The following SH3RF3 variants were observed in gnomAD, a reference collection of about 807,000 sequenced individuals.
SH3RF3 encodes the protein SH3 domain containing ring finger 3.
SH3RF3 carries 29 observed loss-of-function variants against 66.3 expected under a neutral mutation model. The observed-to-expected ratio is 0.44, with a 90% CI of 0.33 to 0.60. SH3RF3 has a LOEUF of 0.60. Among genes scored for constraint, SH3RF3 ranks in the 20% least tolerant of loss-of-function variants. SH3RF3 has a pLI of 0.04. For synonymous variants in SH3RF3, 583 were observed against 532.0 expected, an observed-to-expected ratio of 1.10 and a Z score of -1.32; for missense variants, 1,194 against 1,190.9, an observed-to-expected ratio of 1.00 and a Z score of -0.04.
At chr2:109,300,409 A>C (rs1178903561) in intron 1 of SH3RF3, among the ~76,000 whole-genome samples, 1 of 152,060 alleles carries the variant, frequency 6.6e-6, no homozygotes, top group African/African-American at 2.4e-5. Flanking sequence ...CCAACTCCTC[A>C]CCTCAAGTGA....
chr2:109,420,515 G>A (rs763670026), intron 5 of SH3RF3, among the ~76,000 whole-genome samples: 11 of 152,012 alleles, frequency 7.2e-5, no homozygotes, highest in Non-Finnish European at 1.2e-4. Context: ...GCGCGATCCC[G>A]GCTCACTGCA....
chr2:109,204,311 C>T (rs1678755696), intron 1 of SH3RF3, among the ~76,000 whole-genome samples: 1 of 152,220 alleles, frequency 6.6e-6, no homozygotes, highest in African/African-American at 2.4e-5. Flanking sequence ...AGAATAAGGG[C>T]ACTCTTCTGT....
chr2:109,253,574 G>A (rs557977235), intron 1 of SH3RF3, among the ~76,000 whole-genome samples: 1 of 152,252 alleles, frequency 6.6e-6, no homozygotes, highest in South Asian at 2.1e-4. Context: ...AGATGTTGAG[G>A]CAGCAAATTC....
chr2:109,213,811 T>A (rs1171228304), intron 1 of SH3RF3, among the ~76,000 whole-genome samples: 2 of 152,038 alleles, frequency 1.3e-5, no homozygotes, highest in Non-Finnish European at 1.5e-5. Flanking sequence ...TGGTGTGGTG[T>A]GGTGGATGGG....
At chr2:109,249,467 C>CTCTCTCTTTCTTTCTTTCTT (rs1558981118) in intron 1 of SH3RF3, among the ~76,000 whole-genome samples, 3 of 99,292 alleles carry the variant, frequency 3.0e-5, no homozygotes, top group African/African-American at 8.1e-5. Context: ...TTCTCTCTTT[C>CTCTCTCTTTCTTTCTTTCTT]TCTTTCTTTC....
intron 1 of SH3RF3, among the ~76,000 whole-genome samples, chr2:109,218,864 A>G (rs1430626267): frequency 6.6e-6 from 1 of 152,224 alleles, no homozygotes; most frequent in African/African-American, 2.4e-5. Context: ...CAAACCCACA[A>G]TCAATGCAAT....
intron 1 of SH3RF3, among the ~76,000 whole-genome samples, chr2:109,227,032 C>G (rs1245625158): frequency 6.6e-6 from 1 of 152,170 alleles, no homozygotes; most frequent in Non-Finnish European, 1.5e-5. Context: ...GGTGGCCTAG[C>G]AGCTCCACTG....
intron 1 of SH3RF3, among the ~76,000 whole-genome samples, chr2:109,246,204 C>T (rs767893060): frequency 2.6e-5 from 4 of 152,194 alleles, no homozygotes; most frequent in Non-Finnish European, 4.4e-5. Flanking sequence ...AACAAAATAC[C>T]GTAAACGCAG....
intron 8 of SH3RF3, among the ~76,000 whole-genome samples, chr2:109,458,410 TTC>T (rs760955693): frequency 2.6e-5 from 4 of 152,174 alleles, no homozygotes; most frequent in African/African-American, 4.8e-5. Flanking sequence ...CTCTTATTTA[TTC>T]TCTCTTTCAC....
chr2:109,278,035 G>C (rs1231275818), intron 1 of SH3RF3, among the ~76,000 whole-genome samples: 2 of 143,970 alleles, frequency 1.4e-5, no homozygotes, highest in African/African-American at 5.0e-5. Flanking sequence ...AAAAAAGCCA[G>C]GCATAGTGTC....
chr2:109,258,787 A>AT (rs1360485897), intron 1 of SH3RF3, among the ~76,000 whole-genome samples: 2 of 152,188 alleles, frequency 1.3e-5, no homozygotes, highest in Admixed American at 1.3e-4. Flanking sequence ...GTCCTTCCTA[A>AT]TAGGGGTAGG....
At chr2:109,359,865 G>A (rs574085661) in intron 2 of SH3RF3, among the ~76,000 whole-genome samples, 1 of 152,102 alleles carries the variant, frequency 6.6e-6, no homozygotes, top group Non-Finnish European at 1.5e-5. Context: ...CAACCATAAA[G>A]GGTCATAAAA....
At chr2:109,369,143 G>GACCATCCTGGCCAC (rs1683210149) in intron 2 of SH3RF3, among the ~76,000 whole-genome samples, 1 of 151,094 alleles carries the variant, frequency 6.6e-6, no homozygotes, top group African/African-American at 2.4e-5. Context: ...AGGGGATCGA[G>GACCATCCTGGCCAC]ACCATCCTGG....
chr2:109,208,702 A>G (rs970902634), intron 1 of SH3RF3, among the ~76,000 whole-genome samples: 6 of 152,204 alleles, frequency 3.9e-5, no homozygotes, highest in Non-Finnish European at 5.9e-5. Flanking sequence ...TTTTTCTGTA[A>G]TCCTGTACTG....
intron 2 of SH3RF3, among the ~76,000 whole-genome samples, chr2:109,371,232 A>T (rs1683264531): frequency 1.3e-5 from 2 of 152,200 alleles, no homozygotes; most frequent in Non-Finnish European, 2.9e-5. Context: ...CTACCAAAAA[A>T]TACAAAAATT....
intron 3 of SH3RF3, 68 bp from the exon 4 acceptor site, chr2:109,398,522 G>A (rs925756878): frequency 2.9e-6 from 4 of 1,362,748 alleles, no homozygotes; most frequent in African/African-American, 2.9e-5. Context: ...GGCCTGGAGA[G>A]TGCAGAGGGC....
chr2:109,364,880 C>A (rs1476158351), intron 2 of SH3RF3, among the ~76,000 whole-genome samples: 1 of 152,176 alleles, frequency 6.6e-6, no homozygotes, highest in African/African-American at 2.4e-5. Flanking sequence ...TACTTGAGGT[C>A]AGGAGTTCGA....
At chr2:109,369,752 A>G (rs1683225333) in intron 2 of SH3RF3, among the ~76,000 whole-genome samples, 1 of 152,148 alleles carries the variant, frequency 6.6e-6, no homozygotes. Flanking sequence ...CTGTTAGATC[A>G]ATGCTGCCTC....
rs529533377 is a variant in SH3RF3 at position 109,264,198 on chromosome 2, C to T, written c.574-83476C>T. ...CCACCCCAAGTCTGTGTGTGCTCCC[C>T]GTTCACCTCCCCAGGATCCACTCCG... On this transcript the variant is annotated intron_variant, in intron 1 of 9. Coordinates refer to ENST00000309415, the MANE Select transcript of SH3RF3 (RefSeq NM_001099289.3). 8.8e-4 allele frequency among the ~76,000 whole-genome samples: 132 copies of T among 150,220 alleles called. 1 individual carries two copies. The highest frequency in any genetic ancestry group is 2.8e-3 in the African/African-American group (115 of 40,756).
Sources: gnomAD v4.1 joint callset for allele counts (sites outside exome capture counted in the v4.1 genomes callset) on GRCh38, gnomAD v4.1.1 for gene constraint, MANE v1.5 for transcripts, NCBI Gene and HGNC (gene_info 2026-07-23, HGNC 2026-07-21) for gene names.